Variants in NEFM observed in about 807,000 individuals in gnomAD.
NEFM encodes the protein neurofilament medium polypeptide.
In NEFM, 16 loss-of-function variants were observed where a neutral mutation model predicts 48.1. The ratio of observed to expected loss-of-function variants is 0.33; its 90% CI spans 0.23 to 0.51. The LOEUF (loss-of-function observed/expected upper bound fraction) is 0.51, where lower values mean the gene tolerates loss of function less well. Among genes scored for constraint, NEFM ranks in the 20% least tolerant of loss-of-function variants. The pLI, the probability that NEFM is intolerant of heterozygous loss-of-function variation, is 0.98. For synonymous variants in NEFM, 465 were observed against 456.9 expected (o/e 1.02, Z -0.23); for missense variants, 1,107 against 1,136.0 (o/e 0.97, Z 0.37).
chr8:24,914,570 A>C lies in NEFM; in HGVS notation c.777A>C (p.Lys259Asn). The C allele has an allele frequency of 6.2e-7, 1 of 1,614,188 alleles. No individual in the cohort carries two copies. The highest frequency in any genetic ancestry group is 8.5e-7 in the Non-Finnish European group (1 of 1,180,038). Reference protein sequence around the residue: ...IQASHITVERKDYLKTDISTA... With the variant: ...IQASHITVERNDYLKTDISTA... ...CATCGCACATCACGGTGGAGCGCAAAGACTACCTGAAGACAGACATCTCGA... is the reference window on the plus strand; with the variant it reads ...CATCGCACATCACGGTGGAGCGCAACGACTACCTGAAGACAGACATCTCGA... The change falls in exon 1 of 3, where the codon AAA becomes AAC. Residue 259 changes from lysine (K) to asparagine (N), a missense_variant. Coordinates refer to ENST00000221166, the MANE Select transcript of NEFM (RefSeq NM_005382.2).
rs998482168 is a variant in NEFM at position 24,914,367 on chromosome 8, G to A, written c.574G>A (p.Glu192Lys). The A allele has an allele frequency of 1.2e-6, 2 of 1,613,642 alleles. No individual in the cohort carries two copies. Among genetic ancestry groups the A allele is most frequent in the Non-Finnish European group, 1.7e-6 (2 of 1,179,978 alleles). Residue 192 changes from glutamate (E) to lysine (K), a missense_variant, in exon 1 of 3, where the codon GAG becomes AAG. Physicochemically the swap from Glu to Lys is moderately conservative, Grantham distance 56. This residue lies in a region of NEFM where 917 missense variants were observed against 916.4 expected (regional missense o/e 1.00). Coordinates refer to ENST00000221166, the MANE Select transcript of NEFM (RefSeq NM_005382.2). ...CCGGCTCAAGGAGCGCTTTGAGGAG[G>A]AGGCGCGGTTGCGCGACGACACTGA... ...IHRLKERFEE[E>K]ARLRDDTEAA...
In NEFM at chr8:24,915,086, G is replaced by A. The variant is rs969595662; in HGVS notation, c.1080+213G>A. 12 of 1,368,674 alleles carry A rather than the reference G, an allele frequency of 8.8e-6. No homozygotes were observed. In the African/African-American group the frequency reaches 1.8e-4, roughly 21 times the overall value. 84.8% of individuals were successfully genotyped at this position (1,368,674 alleles called of 1,614,324 possible). On this transcript the variant is annotated intron_variant, in intron 1 of 2. Coordinates refer to ENST00000221166, the MANE Select transcript of NEFM (RefSeq NM_005382.2). Reference sequence around the variant, plus strand: ...CCACCCACCTGCCCCAGCTGCTAAGGGTCTTGACCTTTTTCAGAAACGTGC... The same window carrying A: ...CCACCCACCTGCCCCAGCTGCTAAGAGTCTTGACCTTTTTCAGAAACGTGC...
chr8:24,916,413 A>T (rs982618733), intron 2 of NEFM, among the ~76,000 whole-genome samples: 2 of 152,182 alleles, frequency 1.3e-5, no homozygotes, highest in South Asian at 4.1e-4. Flanking sequence ...AACTGAAGTG[A>T]CCTTGCTGTT....
chr8:24,915,233 C>G (rs1259822078), intron 1 of NEFM: 2 of 1,265,490 alleles, frequency 1.6e-6, no homozygotes, highest in Admixed American at 3.9e-5. Flanking sequence ...TCTACTTTTC[C>G]GGCAGTGATC....
rs759983759 is a variant in NEFM, at chr8:24,917,945, G to A, written c.2090G>A (p.Gly697Glu). 10 of 1,613,936 alleles carry A rather than the reference G, an allele frequency of 6.2e-6. No homozygotes were observed. In the Admixed American group the frequency reaches 8.3e-5, roughly 13 times the overall value. The change falls in exon 3 of 3, where the codon GGG becomes GAG. Residue 697 changes from glycine (G) to glutamate (E), a missense_variant. Around this residue, in one of 3 missense-constraint regions of NEFM, gnomAD observed 917 missense variants for 916.4 expected, o/e 1.00. Transcript: ENST00000221166. Reference protein sequence around the residue: ...VEEAKSKAEVGKGEQKEEEEK... With the variant: ...VEEAKSKAEVEKGEQKEEEEK... ...GAGGCAAAGTCAAAAGCAGAAGTGG[G>A]GAAAGGTGAACAGAAAGAGGAAGAA...
At position 24,917,557 on chromosome 8, in the gene NEFM, G is replaced by A. The variant is rs1220076839; in HGVS notation, c.1702G>A (p.Glu568Lys). The A allele has an allele frequency of 1.9e-6, 3 of 1,572,666 alleles. No homozygotes were observed. The highest frequency in any genetic ancestry group is 3.8e-5 in the Admixed American group (2 of 52,826). ...TGAAAAAGAGGAAGGTGAGCAGGAA[G>A]AAGGAGAAACAGAAGCTGAAGCTGA... Reference protein sequence around the residue: ...SSEKEEGEQEEGETEAEAEGE... With the variant: ...SSEKEEGEQEKGETEAEAEGE... The change falls in exon 3 of 3, where the codon GAA (glutamate) becomes AAA (lysine). Residue 568 changes from glutamate (E) to lysine (K), a missense_variant. By Grantham distance (56) the Glu-to-Lys change is moderately conservative (BLOSUM62 1). Around this residue, in one of 3 missense-constraint regions of NEFM, gnomAD observed 917 missense variants for 916.4 expected, o/e 1.00. Coordinates refer to ENST00000221166, the MANE Select transcript of NEFM (RefSeq NM_005382.2).
In NEFM at chr8:24,914,589, A is replaced by T; in HGVS notation, c.796A>T (p.Ile266Phe). ...VERKDYLKTD[I>F]STALKEIRSQ... ...GCGCAAAGACTACCTGAAGACAGAC[A>T]TCTCGACGGCGCTGAAGGAAATCCG... The change falls in exon 1 of 3, where the codon ATC becomes TTC. Residue 266 changes from isoleucine to phenylalanine, a missense_variant. Physicochemically the swap from Ile to Phe is conservative, Grantham distance 21. Around this residue, in one of 3 missense-constraint regions of NEFM, gnomAD observed 917 missense variants for 916.4 expected, o/e 1.00. Transcript: ENST00000221166. The T allele has an allele frequency of 6.2e-7, 1 of 1,614,176 alleles. No individual in the cohort carries two copies.
chr8:24,914,958 T>C, intron 1 of NEFM, 85 bp downstream of exon 1: 1 of 1,444,204 alleles, frequency 6.9e-7, no homozygotes, highest in Non-Finnish European at 9.0e-7. Flanking sequence ...AGGCGCCCTC[T>C]CCGCCGCGCT....
chr8:24,914,910 G>A (rs1351356718), intron 1 of NEFM, 37 bp downstream of exon 1: 3 of 1,545,552 alleles, frequency 1.9e-6, no homozygotes, highest in East Asian at 4.9e-5. Flanking sequence ...CTGCGCCAGC[G>A]CCAGCGCCGC....
rs1425010842 is a variant in NEFM at position 24,917,612 on chromosome 8, A to G, written c.1757A>G (p.Lys586Arg). 1.2e-6 allele frequency: 2 copies of G among 1,611,830 alleles called. No individual in the cohort carries two copies. The highest frequency in any genetic ancestry group is 1.3e-5 in the African/African-American group (1 of 74,862). Residue 586 changes from lysine (K) to arginine (R), a missense_variant, in exon 3 of 3, where the codon AAG becomes AGG. Physicochemically the swap from Lys to Arg is conservative, Grantham distance 26 (BLOSUM62 2). Around this residue, in one of 3 missense-constraint regions of NEFM, gnomAD observed 917 missense variants for 916.4 expected, o/e 1.00. Coordinates refer to ENST00000221166, the MANE Select transcript of NEFM (RefSeq NM_005382.2). ...EGEEAEAKEE[K>R]KVEEKSEEVA... ...GAGGAAGCCGAAGCTAAAGAGGAAAAGAAAGTGGAGGAAAAGAGTGAGGAA... is the reference window on the plus strand; with the variant it reads ...GAGGAAGCCGAAGCTAAAGAGGAAAGGAAAGTGGAGGAAAAGAGTGAGGAA...
In NEFM at chr8:24,914,819, G is replaced by A. The variant is rs757886844; in HGVS notation, c.1026G>A (p.Glu342=). 11 of 1,602,162 alleles carry A rather than the reference G, an allele frequency of 6.9e-6. No individual in the cohort carries two copies. In the South Asian group the frequency reaches 8.9e-5, roughly 13 times the overall value. ...ESVRGTKESL[E]RQLSDIEERH... ...TGCGCGGCACCAAGGAGTCCCTGGA[G>A]CGGCAGCTCAGCGACATCGAGGAGC... The change falls in exon 1 of 3, where the codon GAG becomes GAA. Residue 342 remains glutamate (E), a synonymous_variant. Coordinates refer to ENST00000221166, the MANE Select transcript of NEFM (RefSeq NM_005382.2).
chr8:24,913,939 C>G lies in NEFM; in HGVS notation c.146C>G (p.Ser49Cys). 2 of 1,611,578 alleles carry G rather than the reference C, an allele frequency of 1.2e-6. No individual in the cohort carries two copies. Among genetic ancestry groups the G allele is most frequent in the Non-Finnish European group, 1.7e-6 (2 of 1,179,420 alleles). Residue 49 changes from serine (S) to cysteine (C), a missense_variant, in exon 1 of 3, where the codon TCC becomes TGC. Coordinates refer to ENST00000221166, the MANE Select transcript of NEFM (RefSeq NM_005382.2). ...SWSRGSPSTV[S>C]SSYKRSMLAP... ...TCCCGCGGCTCGCCCAGCACCGTGT[C>G]CTCCTCCTATAAGCGCAGCATGCTC...
Position 24,914,136 on chromosome 8 carries a change from T to C in NEFM, c.343T>C (p.Tyr115His). 1 of 1,612,978 alleles carries C rather than the reference T, an allele frequency of 6.2e-7. No homozygotes were observed. The highest frequency in any genetic ancestry group is 8.5e-7 in the Non-Finnish European group (1 of 1,179,884). The change falls in exon 1 of 3, where the codon TAC becomes CAC. Residue 115 changes from tyrosine (Y) to histidine (H), a missense_variant. By Grantham distance (83) the Tyr-to-His change is moderately conservative. Coordinates refer to ENST00000221166, the MANE Select transcript of NEFM (RefSeq NM_005382.2). Reference sequence around the variant, plus strand: ...GGGGCTGAACGACCGCTTTGCCGGCTACATAGAGAAGGTGCACTACCTGGA... The same window carrying C: ...GGGGCTGAACGACCGCTTTGCCGGCCACATAGAGAAGGTGCACTACCTGGA... ...LQGLNDRFAG[Y>H]IEKVHYLEQQ...
chr8:24,917,487 G>A lies in NEFM; in HGVS notation c.1632G>A (p.Lys544=). Reference sequence around the variant, plus strand: ...AGGAGGAAGAAGATGAGGGAGCTAAGTCAGACCAAGCCGAAGAGGGAGGAT... The same window carrying A: ...AGGAGGAAGAAGATGAGGGAGCTAAATCAGACCAAGCCGAAGAGGGAGGAT... ...EEEEEEDEGA[K]SDQAEEGGSE... The change falls in exon 3 of 3, where the codon AAG becomes AAA. Residue 544 remains lysine, a synonymous_variant. Transcript: ENST00000221166. The A allele has an allele frequency of 6.4e-7, 1 of 1,554,724 alleles. No individual in the cohort carries two copies. Among genetic ancestry groups the A allele is most frequent in the Non-Finnish European group, 8.7e-7 (1 of 1,148,662 alleles).
chr8:24,915,413 T>C, intron 1 of NEFM, 192 bp from the exon 2 acceptor site: 2 of 1,071,312 alleles, frequency 1.9e-6, no homozygotes, highest in Non-Finnish European at 2.6e-6. Context: ...TGATCTTGTA[T>C]GTTCATTTGA....
In NEFM at chr8:24,914,738, A is replaced by T. The variant is rs762123279; in HGVS notation, c.945A>T (p.Glu315Asp). ...QNKEAIRSAK[E>D]EIAEYRRQLQ... is the part of the protein sequence containing the mutation. ...AGGAGGCCATCCGCTCCGCCAAGGA[A>T]GAGATCGCCGAGTACCGGCGCCAGC... is the stretch of plus-strand genomic sequence containing the variant. Residue 315 changes from glutamate (E) to aspartate (D), a missense_variant, in exon 1 of 3, where the codon GAA (glutamate) becomes GAT (aspartate). Around this residue, in one of 3 missense-constraint regions of NEFM, gnomAD observed 917 missense variants for 916.4 expected, o/e 1.00. Coordinates refer to ENST00000221166, the MANE Select transcript of NEFM (RefSeq NM_005382.2). 14 of 1,613,518 alleles carry T rather than the reference A, an allele frequency of 8.7e-6. No individual in the cohort carries two copies. Among genetic ancestry groups the T allele is most frequent in the Middle Eastern group, 1.6e-4 (1 of 6,082 alleles).
Position 24,918,554 on chromosome 8 carries a change from T to A in NEFM, c.2699T>A (p.Val900Glu), listed in dbSNP as rs1315432117. 1.2e-6 allele frequency: 2 copies of A among 1,613,168 alleles called. No homozygotes were observed. The highest frequency in any genetic ancestry group is 1.1e-5 in the South Asian group (1 of 91,034). Residue 900 changes from valine to glutamate, a missense_variant, in exon 3 of 3, where the codon GTA becomes GAA. Val to Glu is a moderately radical substitution (Grantham distance 121, BLOSUM62 -2). Around this residue, in one of 3 missense-constraint regions of NEFM, gnomAD observed 917 missense variants for 916.4 expected, o/e 1.00. Coordinates refer to ENST00000221166, the MANE Select transcript of NEFM (RefSeq NM_005382.2). ...GAGAAACTAGTGTCTACTAAAAAGG[T>A]AGAAAAAGTCACTTCACACGCCATA... Reference protein sequence around the residue: ...FEEKLVSTKKVEKVTSHAIVK... With the variant: ...FEEKLVSTKKEEKVTSHAIVK...
intron 1 of NEFM, 166 bp from the exon 2 acceptor site, chr8:24,915,439 A>C: frequency 7.4e-6 from 9 of 1,208,076 alleles, no homozygotes; most frequent in Non-Finnish European, 9.2e-6. Flanking sequence ...GCTTAGATTT[A>C]AAAGAAAAAG....
chr8:24,915,772 TGCAGAGGCTGTTCCG>T lies in NEFM; in HGVS notation c.1205+50_1205+64del, dbSNP rs754833080. Reference sequence around the variant, plus strand: ...TGCGTGGCCGGAACACTAACCGCAGTGCAGAGGCTGTTCCGGCAGAGCTTCCACCACTTAAGTTAA... The same window carrying T: ...TGCGTGGCCGGAACACTAACCGCAGTGCAGAGCTTCCACCACTTAAGTTAA... On this transcript the variant is annotated intron_variant, in intron 2 of 2. Coordinates refer to ENST00000221166, the MANE Select transcript of NEFM (RefSeq NM_005382.2). 1.9e-6 allele frequency: 3 copies of T among 1,613,482 alleles called. No individual in the cohort carries two copies. The African/African-American group carries it at 4.0e-5, about 22-fold the overall frequency.
Sources: gnomAD v4.1 joint callset for allele counts (sites outside exome capture counted in the v4.1 genomes callset) on GRCh38, gnomAD v4.1.1 for gene constraint, gnomAD v4.1.1 regional missense constraint, MANE v1.5 for transcripts, NCBI Gene and HGNC (gene_info 2026-07-23, HGNC 2026-07-21) for gene names.